Variants in UTRN observed in about 807,000 individuals in gnomAD.
The protein encoded by UTRN is dystrophin-related protein 1.
A neutral mutation model predicts 463.9 loss-of-function variants in UTRN; 283 were observed. That is an observed-to-expected ratio of 0.61 (90% CI 0.55 to 0.67). The LOEUF (loss-of-function observed/expected upper bound fraction) is 0.67. Ranked by LOEUF, UTRN falls within the 30% of genes least tolerant of loss-of-function variation. The pLI, the probability that UTRN is intolerant of heterozygous loss-of-function variation, is 0.00. For missense variants in UTRN, 3,922 were observed against 4,084.3 expected, an observed-to-expected ratio of 0.96 and a Z score of 1.08; for synonymous variants, 1,442 against 1,431.5, an observed-to-expected ratio of 1.01 and a Z score of -0.17.
intron 2 of UTRN, among the ~76,000 whole-genome samples, chr6:144,371,513 G>A (rs577541838): frequency 3.4e-4 from 52 of 152,346 alleles, no homozygotes; most frequent in Non-Finnish European, 6.5e-4. Flanking sequence ...CCAGGTTCAA[G>A]CAATTCTCCT....
In UTRN at chr6:144,577,293, G is replaced by A; in HGVS notation, c.7479+5G>A. ...GAACTCAAACAGCAGATGCAGGTAA[G>A]TGCATGGGAAACCACACCAGTACCT... is the stretch of plus-strand genomic sequence containing the variant. On this transcript the variant is annotated splice_donor_5th_base_variant and intron_variant, in intron 51 of 74. Coordinates refer to ENST00000367545, the MANE Select transcript of UTRN (RefSeq NM_007124.3). 1 of 1,613,116 alleles carries A rather than the reference G, an allele frequency of 6.2e-7. No individual in the cohort carries two copies. The highest frequency in any genetic ancestry group is 2.2e-5 in the East Asian group (1 of 44,834).
At chr6:144,629,730 T>C (rs1776314897) in intron 51 of UTRN, among the ~76,000 whole-genome samples, 1 of 152,258 alleles carries the variant, frequency 6.6e-6, no homozygotes, top group South Asian at 2.1e-4. Flanking sequence ...GCTGAAACTT[T>C]GCTTCTGCTT....
In UTRN at chr6:144,514,031, T is replaced by C. The variant is rs776866731; in HGVS notation, c.5067T>C (p.Ile1689=). ...EKKPTSKQEE[I]VKRLVSELDD... ...AACCAACAAGTAAACAGGAAGAAAT[T>C]GTGAAGGTAGCAAACACAGACATCA... The change falls in exon 36 of 75, where the codon ATT becomes ATC. Residue 1689 remains isoleucine (I), a synonymous_variant. Transcript: ENST00000367545. The C allele has an allele frequency of 4.0e-5, 65 of 1,613,670 alleles. 1 individual carries two copies. Among genetic ancestry groups the C allele is most frequent in the Admixed American group, 5.0e-5 (3 of 59,986 alleles).
chr6:144,632,325 A>T (rs1279473123), intron 51 of UTRN, among the ~76,000 whole-genome samples: 1 of 152,218 alleles, frequency 6.6e-6, no homozygotes, highest in Non-Finnish European at 1.5e-5. Flanking sequence ...AAAAGAAATC[A>T]AAAGCTGAGA....
chr6:144,392,319 C>A (rs866776615), intron 2 of UTRN, among the ~76,000 whole-genome samples: 12 of 152,280 alleles, frequency 7.9e-5, no homozygotes, highest in Middle Eastern at 3.4e-3. Flanking sequence ...TAATCAGCAG[C>A]AGATAACTAA....
In UTRN at chr6:144,795,426, A is replaced by G. The variant is rs533464931; in HGVS notation, c.9078+1435A>G. On this transcript the variant is annotated intron_variant, in intron 63 of 74. Coordinates refer to ENST00000367545, the MANE Select transcript of UTRN (RefSeq NM_007124.3). ...TGGGTCAAATGGTATTTCTGGTTCT[A>G]TATCCTTGAGGAATTGCCACGCTGT... is the stretch of plus-strand genomic sequence containing the variant. Among the ~76,000 whole-genome samples, 11 of 152,322 alleles carry G rather than the reference A, an allele frequency of 7.2e-5. No individual in the cohort carries two copies. The East Asian group carries it at 1.4e-3, about 19-fold the overall frequency.
intron 10 of UTRN, 67 bp downstream of exon 10, chr6:144,436,205 A>C: frequency 6.9e-7 from 1 of 1,452,912 alleles, no homozygotes; most frequent in Non-Finnish European, 9.4e-7. Context: ...CAGGGACTCT[A>C]CTCTCCTATT....
intron 51 of UTRN, among the ~76,000 whole-genome samples, chr6:144,635,530 C>CTTTTTTTTTTTTTTTT (rs1562685915): frequency 1.9e-4 from 11 of 59,092 alleles, no homozygotes; most frequent in Admixed American, 4.8e-4. Flanking sequence ...TTTTTTTTTT[C>CTTTTTTTTTTTTTTTT]TTTTCTTTTT....
At chr6:144,574,763 G>A (rs1436748481) in intron 50 of UTRN, among the ~76,000 whole-genome samples, 2 of 152,042 alleles carry the variant, frequency 1.3e-5, no homozygotes, top group Non-Finnish European at 2.9e-5. Flanking sequence ...TGTATTTTTA[G>A]TGGAGAAGGA....
intron 65 of UTRN, among the ~76,000 whole-genome samples, chr6:144,807,038 G>A (rs1392210627): frequency 7.9e-5 from 12 of 152,022 alleles, no homozygotes; most frequent in Admixed American, 5.9e-4. Context: ...AATTTGTTTG[G>A]TACAGTGATA....
At chr6:144,780,265 AT>A (rs1031626193) in intron 60 of UTRN, among the ~76,000 whole-genome samples, 1 of 152,182 alleles carries the variant, frequency 6.6e-6, no homozygotes, top group East Asian at 1.9e-4. Context: ...ATATAACCTT[AT>A]TTTTTCTCTT....
At position 144,569,212 on chromosome 6, in the gene UTRN, CAG is replaced by C. The variant is rs34588162; in HGVS notation, c.7290-7885_7290-7884del. On this transcript the variant is annotated intron_variant, in intron 50 of 74. Transcript: ENST00000367545. ...TATAAATTATATTAATTTCAAAAATCAGAATATAAAATAACATGTATAAGCTA... is the reference window on the plus strand; with the variant it reads ...TATAAATTATATTAATTTCAAAAATCAATATAAAATAACATGTATAAGCTA... 7.6e-3 allele frequency among the ~76,000 whole-genome samples: 1,153 copies of C among 151,856 alleles called. 2 individuals are homozygous for C. The highest frequency in any genetic ancestry group is 0.013 in the Non-Finnish European group (853 of 67,900).
Position 144,803,084 on chromosome 6 carries a change from C to T in UTRN, c.9294C>T (p.Phe3098=). 6.3e-7 allele frequency: 1 copy of T among 1,590,094 alleles called. No individual in the cohort carries two copies. The highest frequency in any genetic ancestry group is 8.6e-7 in the Non-Finnish European group (1 of 1,168,848). Residue 3098 remains phenylalanine, a synonymous_variant, in exon 65 of 75, where the codon TTC becomes TTT. Transcript: ENST00000367545. ...ACTATGATGTCTGCCAGAGTTGTTT[C>T]TTTTCGGGTCGAACAGCAAAAGGTC... ...HFNYDVCQSC[F]FSGRTAKGHK...
chr6:144,685,253 C>T (rs1156429764), intron 52 of UTRN, among the ~76,000 whole-genome samples: 2 of 152,164 alleles, frequency 1.3e-5, no homozygotes, highest in African/African-American at 2.4e-5. Flanking sequence ...TATACACATA[C>T]CACATGTTCC....
rs1251758332 is a variant in UTRN, at chr6:144,440,447, A to G, written c.1488A>G (p.Thr496=). Residue 496 remains threonine, a synonymous_variant, in exon 13 of 75, where the codon ACA becomes ACG. Transcript: ENST00000367545. ...ATGAAAACAGTGGTGAGAGTGCTAC[A>G]GCTATCCTAGAAGACCAGTTACAGG... ...IVDENSGESA[T]AILEDQLQKL... 7 of 1,614,198 alleles carry G rather than the reference A, an allele frequency of 4.3e-6. No homozygotes were observed. Among genetic ancestry groups the G allele is most frequent in the African/African-American group, 1.3e-5 (1 of 75,072 alleles).
chr6:144,462,742 A>G lies in UTRN; in HGVS notation c.2942A>G (p.Asp981Gly), dbSNP rs533485792. Reference protein sequence around the residue: ...TKALEKNVHPDVEKLYKQEFD... With the variant: ...TKALEKNVHPGVEKLYKQEFD... ...GCTCTGGAGAAAAATGTTCATCCTG[A>G]TGTAGAAAAATTATATAAGCAAGAA... Residue 981 changes from aspartate (D) to glycine (G), a missense_variant, in exon 23 of 75, where the codon GAT (aspartate) becomes GGT (glycine). By Grantham distance (94) the Asp-to-Gly change is moderately conservative. This residue lies in a region of UTRN where 2,349 missense variants were observed against 2,303.8 expected (regional missense o/e 1.02). Coordinates refer to ENST00000367545, the MANE Select transcript of UTRN (RefSeq NM_007124.3). 1.2e-6 allele frequency: 2 copies of G among 1,612,004 alleles called. No homozygotes were observed. The highest frequency in any genetic ancestry group is 3.4e-5 in the Admixed American group (2 of 59,538).
intron 2 of UTRN, among the ~76,000 whole-genome samples, chr6:144,375,953 A>G (rs1030470911): frequency 6.6e-6 from 1 of 152,052 alleles, no homozygotes; most frequent in South Asian, 2.1e-4. Flanking sequence ...CAGCCTTTTT[A>G]TAAGTTGTAA....
At chr6:144,658,805 T>G (rs1385698777) in intron 51 of UTRN, among the ~76,000 whole-genome samples, 1 of 152,242 alleles carries the variant, frequency 6.6e-6, no homozygotes, top group Non-Finnish European at 1.5e-5. Flanking sequence ...ATTTATAATT[T>G]GGATTGGAGT....
chr6:144,836,624 A>G (rs1303453252), intron 71 of UTRN, 83 bp downstream of exon 71: 5 of 1,545,962 alleles, frequency 3.2e-6, no homozygotes, highest in Non-Finnish European at 8.7e-7. Context: ...GTGTCAGGAG[A>G]GGCAGAGAAG....
Sources: allele counts gnomAD v4.1 joint callset (sites outside exome capture counted in the v4.1 genomes callset), GRCh38; gene constraint gnomAD v4.1.1; regional missense constraint gnomAD v4.1.1; transcripts MANE v1.5; gene names NCBI Gene and HGNC (gene_info 2026-07-23, HGNC 2026-07-21).